ATR: variants seen among roughly 807,000 people sequenced by gnomAD.
ATR encodes the protein ATR checkpoint kinase.
A neutral mutation model predicts 305.3 loss-of-function variants in ATR; 142 were observed. The observed-to-expected ratio is 0.47, with a 90% CI of 0.41 to 0.53. The LOEUF (loss-of-function observed/expected upper bound fraction) is 0.53, where lower values mean the gene tolerates loss of function less well. ATR is among the 20% of genes least tolerant of loss of function. ATR has a pLI of 0.00. For synonymous variants in ATR, 1,050 were observed against 1,068.1 expected (o/e 0.98, Z 0.33); for missense variants, 2,135 against 3,133.1 (o/e 0.68, Z 7.60).
Position 142,560,300 on chromosome 3 carries a change from G to C in ATR, c.1504C>G (p.Leu502Val), listed in dbSNP as rs1266324442. 1 of 1,613,928 alleles carries C rather than the reference G, an allele frequency of 6.2e-7. No homozygotes were observed. The highest frequency in any genetic ancestry group is 1.7e-5 in the Admixed American group (1 of 60,008). ...GIAVVLQLTA[L>V]CTVHCSHQNM... is the part of the protein sequence containing the mutation. ...TGATGAGAACAATGAACAGTACACAGAGCAGTCAGTTGTAAGACAACAGCA... is the reference window on the plus strand; with the variant it reads ...TGATGAGAACAATGAACAGTACACACAGCAGTCAGTTGTAAGACAACAGCA... The change falls in exon 6 of 47, where the codon CTG becomes GTG. Residue 502 changes from leucine to valine, a missense_variant. This residue lies in a region of ATR where 744 missense variants were observed against 873.2 expected (regional missense o/e 0.85). Coordinates refer to ENST00000350721, the MANE Select transcript of ATR (RefSeq NM_001184.4).
At chr3:142,504,127 A>C (rs2108352902) in intron 29 of ATR, among the ~76,000 whole-genome samples, 1 of 152,378 alleles carries the variant, frequency 6.6e-6, no homozygotes. Flanking sequence ...ATTAGAAAGA[A>C]TCTAAAGGCA....
chr3:142,521,025 G>A (rs1055950175), intron 23 of ATR, among the ~76,000 whole-genome samples: 6 of 152,176 alleles, frequency 3.9e-5, no homozygotes, highest in African/African-American at 1.2e-4. Flanking sequence ...AATGCTCATT[G>A]ACGATTCCAT....
At chr3:142,565,733 T>TAAAAAAAA (rs55690216) in intron 3 of ATR, among the ~76,000 whole-genome samples, 2 of 79,328 alleles carry the variant, frequency 2.5e-5, no homozygotes, top group Non-Finnish European at 4.6e-5. Flanking sequence ...CTGTCTTATT[T>TAAAAAAAA]AAAAAAAAAA....
intron 44 of ATR, among the ~76,000 whole-genome samples, chr3:142,458,374 C>T (rs1420401532): frequency 2.0e-5 from 3 of 152,160 alleles, no homozygotes; most frequent in Admixed American, 1.3e-4. Flanking sequence ...TATGATCTTT[C>T]TTGGTTTCTT....
chr3:142,496,877 A>G (rs776213281), intron 33 of ATR, 136 bp downstream of exon 33: 277 of 1,003,518 alleles, frequency 2.8e-4, no homozygotes, highest in Admixed American at 1.2e-3. Context: ...TTTCAACCAG[A>G]TAGTGTAGCC....
chr3:142,489,117 G>C (rs2031128093), intron 35 of ATR, among the ~76,000 whole-genome samples: 1 of 151,962 alleles, frequency 6.6e-6, no homozygotes, highest in Non-Finnish European at 1.5e-5. Context: ...GGGAGGATCA[G>C]TAGAGGCCAG....
At chr3:142,449,846 A>G in intron 46 of ATR, 1 of 527,884 alleles carries the variant, frequency 1.9e-6, no homozygotes, top group Non-Finnish European at 3.4e-6. Context: ...GTGAAATACC[A>G]GGGAATTATT....
chr3:142,553,049 A>C (rs1269077312), intron 13 of ATR, among the ~76,000 whole-genome samples, 178 bp downstream of exon 13: 1 of 152,230 alleles, frequency 6.6e-6, no homozygotes, highest in African/African-American at 2.4e-5. Context: ...GCAAACCACC[A>C]CGACACGTTT....
At chr3:142,519,603 A>C in intron 24 of ATR, 66 bp downstream of exon 24, 2 of 1,423,338 alleles carry the variant, frequency 1.4e-6, no homozygotes, top group Non-Finnish European at 2.0e-6. Flanking sequence ...CCCGGCCAAA[A>C]AAATCGCATT....
intron 45 of ATR, among the ~76,000 whole-genome samples, chr3:142,457,336 C>T (rs553322441): frequency 2.0e-5 from 3 of 152,006 alleles, no homozygotes; most frequent in South Asian, 4.2e-4. Flanking sequence ...CTAATGCCTA[C>T]GGAATTTCTT....
At chr3:142,542,462 G>A (rs1208188167) in intron 17 of ATR, among the ~76,000 whole-genome samples, 17 of 152,032 alleles carry the variant, frequency 1.1e-4, no homozygotes, top group Admixed American at 1.1e-3. Flanking sequence ...CTTTGGGTTG[G>A]GTGTTCTATC....
rs2108437948 is a variant in ATR at position 142,540,923 on chromosome 3, A to G, written c.3562T>C (p.Phe1188Leu). 6.2e-7 allele frequency: 1 copy of G among 1,612,712 alleles called. No individual in the cohort carries two copies. The highest frequency in any genetic ancestry group is 2.2e-5 in the East Asian group (1 of 44,812). The change falls in exon 18 of 47, where the codon TTT (phenylalanine) becomes CTT (leucine). Residue 1188 changes from phenylalanine to leucine, a missense_variant. By Grantham distance (22) the Phe-to-Leu change is conservative. Around this residue, in one of 9 missense-constraint regions of ATR, gnomAD observed 530 missense variants for 766.8 expected, o/e 0.69. Coordinates refer to ENST00000350721, the MANE Select transcript of ATR (RefSeq NM_001184.4). ...ATTTACCTGCAACACAATTCAGGAAAATCATCCTTGAATCGAAGGCCAGTT... is the reference window on the plus strand; with the variant it reads ...ATTTACCTGCAACACAATTCAGGAAGATCATCCTTGAATCGAAGGCCAGTT... Reference protein sequence around the residue: ...LRTGLRFKDDFPELCCRAWDC... With the variant: ...LRTGLRFKDDLPELCCRAWDC...
At position 142,562,982 on chromosome 3, in the gene ATR, A is replaced by C; in HGVS notation, c.420T>G (p.Ala140=). The part of the protein sequence containing the change: ...LLFLFKSKSP[A]IFGVLTKELL... ...ATTCTTTTGTGAGTACCCCAAAAAT[A>C]GCAGGACTCTTGCTTTTAAAAAGAA... The change falls in exon 4 of 47, where the codon GCT becomes GCG. Residue 140 remains alanine, a synonymous_variant. Coordinates refer to ENST00000350721, the MANE Select transcript of ATR (RefSeq NM_001184.4). 6.2e-7 allele frequency: 1 copy of C among 1,605,712 alleles called. No individual in the cohort carries two copies. Among genetic ancestry groups the C allele is most frequent in the African/African-American group, 1.3e-5 (1 of 74,468 alleles).
chr3:142,525,781 T>A (rs2033366325), intron 21 of ATR, among the ~76,000 whole-genome samples: 1 of 152,180 alleles, frequency 6.6e-6, no homozygotes, highest in South Asian at 2.1e-4. Context: ...TCTTGCTCCC[T>A]CTCTCACCAT....
At chr3:142,454,850 T>C (rs1577491337) in intron 45 of ATR, among the ~76,000 whole-genome samples, 4 of 152,350 alleles carry the variant, frequency 2.6e-5, no homozygotes, top group Non-Finnish European at 5.9e-5. Flanking sequence ...GACTGACTGC[T>C]CTACCCCTAA....
intron 38 of ATR, among the ~76,000 whole-genome samples, chr3:142,468,603 AT>A (rs1325001209): frequency 6.6e-6 from 1 of 152,156 alleles, no homozygotes; most frequent in Non-Finnish European, 1.5e-5. Context: ...ATGTCTCTGT[AT>A]TGTCTAAATT....
intron 1 of ATR, among the ~76,000 whole-genome samples, chr3:142,575,722 C>G (rs942051238): frequency 2.0e-5 from 3 of 152,194 alleles, no homozygotes; most frequent in Admixed American, 1.3e-4. Flanking sequence ...TCTGAAATGA[C>G]ATCTAAATGA....
At chr3:142,522,932 C>T (rs2108396853) in intron 22 of ATR, 91 bp from the exon 23 acceptor site, 1 of 960,154 alleles carries the variant, frequency 1.0e-6, no homozygotes, top group Non-Finnish European at 1.7e-6. Flanking sequence ...TTTAACTTAA[C>T]TGCGTAAGTG....
chr3:142,512,235 A>AAG, intron 27 of ATR, 25 bp downstream of exon 27: 1 of 1,568,108 alleles, frequency 6.4e-7, no homozygotes. Context: ...AAAAAAAAAA[A>AAG]AAAGAAACAG....
Sources: gnomAD v4.1 joint callset for allele counts (sites outside exome capture counted in the v4.1 genomes callset) on GRCh38, gnomAD v4.1.1 for gene constraint, gnomAD v4.1.1 regional missense constraint, MANE v1.5 for transcripts, NCBI Gene and HGNC (gene_info 2026-07-23, HGNC 2026-07-21) for gene names.